The following CWC22 variants were observed in gnomAD, a reference collection of about 807,000 sequenced individuals.
The protein encoded by CWC22 is pre-mRNA-splicing factor CWC22 homolog.
CWC22 carries 53 observed loss-of-function variants against 117.2 expected under a neutral mutation model. The ratio of observed to expected loss-of-function variants is 0.45; its 90% CI spans 0.36 to 0.57. CWC22 has a LOEUF of 0.57. Ranked by LOEUF, CWC22 falls within the 20% of genes least tolerant of loss-of-function variation. The probability of loss-of-function intolerance (pLI) is 0.00; values close to 1 mark genes in which losing one functional copy is unlikely to be tolerated. For missense variants in CWC22, 980 were observed against 1,068.8 expected, an observed-to-expected ratio of 0.92 and a Z score of 1.16; for synonymous variants, 360 against 355.6, an observed-to-expected ratio of 1.01 and a Z score of -0.14.
At position 179,966,084 on chromosome 2, in the gene CWC22, G is replaced by GT. The variant is rs969106292; in HGVS notation, c.1211-103dup. 7.2e-6 allele frequency: 6 copies of GT among 835,926 alleles called. No individual in the cohort carries two copies. In the African/African-American group the frequency reaches 8.6e-5, roughly 12 times the overall value. 51.8% of individuals were successfully genotyped at this position (835,926 alleles called of 1,614,324 possible). A position where few individuals can be genotyped will look rare whatever the true frequency, so the allele number is the denominator to read the frequency against. ...TCAGTTCGTTGAAATCCACTGTGGT[G>GT]TAACAGTTTGCTAGCCAACAAAGAT... On this transcript the variant is annotated intron_variant, in intron 11 of 19. Transcript: ENST00000410053.
At chr2:179,960,881 A>T (rs1244635096) in intron 13 of CWC22, among the ~76,000 whole-genome samples, 3 of 152,024 alleles carry the variant, frequency 2.0e-5, no homozygotes, top group African/African-American at 4.8e-5. Context: ...TTCTCTGCTT[A>T]CATTAAAATC....
In CWC22 at chr2:179,973,859, A is replaced by C. The variant is rs1575648743; in HGVS notation, c.582-57T>G. ...CAATAATCACCAAATTAATTAAACG[A>C]AACAAAAACTATTAAAATTCAGTAA... On this transcript the variant is annotated intron_variant, in intron 6 of 19. Transcript: ENST00000410053. 4 of 963,304 alleles carry C rather than the reference A, an allele frequency of 4.2e-6. No homozygotes were observed. In the East Asian group the frequency reaches 8.2e-5, roughly 20 times the overall value. 59.7% of individuals were successfully genotyped at this position (963,304 alleles called of 1,614,324 possible). A position where few individuals can be genotyped will look rare whatever the true frequency, so the allele number is the denominator to read the frequency against.
At chr2:179,991,867 C>T (rs1687576043) in intron 2 of CWC22, among the ~76,000 whole-genome samples, 1 of 152,178 alleles carries the variant, frequency 6.6e-6, no homozygotes. Flanking sequence ...ACAGATGGAA[C>T]TACCTTAGGA....
rs1425776719 is a variant in CWC22, at chr2:179,965,871, T to C, written c.1315+7A>G. The C allele has an allele frequency of 8.3e-6, 12 of 1,438,980 alleles. No individual in the cohort carries two copies. The highest frequency in any genetic ancestry group is 1.2e-5 in the Non-Finnish European group (12 of 1,022,462). 89.1% of individuals were successfully genotyped at this position (1,438,980 alleles called of 1,614,324 possible). On this transcript the variant is annotated splice_region_variant and intron_variant, in intron 12 of 19. Coordinates refer to ENST00000410053, the MANE Select transcript of CWC22 (RefSeq NM_020943.3). ...TATAATATTATTTGAATATGCTACA[T>C]GTTTACCTTCTTCATCTTCTTCTCC...
chr2:179,971,274 G>A (rs924030195), intron 8 of CWC22, among the ~76,000 whole-genome samples, 198 bp from the exon 9 acceptor site: 1 of 151,976 alleles, frequency 6.6e-6, no homozygotes, highest in African/African-American at 2.4e-5. Context: ...TGTCTACTAA[G>A]AATTTTCAGA....
intron 1 of CWC22, among the ~76,000 whole-genome samples, chr2:180,005,665 T>C (rs1687952765): frequency 6.6e-6 from 1 of 152,102 alleles, no homozygotes; most frequent in African/African-American, 2.4e-5. Flanking sequence ...GAACAAGAAT[T>C]GAGGAACAGA....
chr2:179,965,924 T>G lies in CWC22; in HGVS notation c.1269A>C (p.Glu423Asp). ...CTTCCTCTTCTTCTTCCTCGTCCTC[T>G]TCACTACTCCCAGCATCCTGGTCTG... ...SNTDQDAGSS[E>D]EDEEEEEEEG... The change falls in exon 12 of 20, where the codon GAA (glutamate) becomes GAC (aspartate). Residue 423 changes from glutamate to aspartate, a missense_variant. Physicochemically the swap from Glu to Asp is conservative, Grantham distance 45 (BLOSUM62 2). Transcript: ENST00000410053. 1 of 1,607,858 alleles carries G rather than the reference T, an allele frequency of 6.2e-7. No individual in the cohort carries two copies. The highest frequency in any genetic ancestry group is 8.5e-7 in the Non-Finnish European group (1 of 1,174,442).
intron 11 of CWC22, 105 bp downstream of exon 11, chr2:179,970,396 C>T (rs372257044): frequency 1.6e-5 from 18 of 1,129,832 alleles, no homozygotes; most frequent in African/African-American, 1.6e-4. Context: ...ATAAGAGCAG[C>T]GATTCATTAG....
chr2:179,963,674 A>G (rs904724703), intron 13 of CWC22, among the ~76,000 whole-genome samples: 1 of 152,162 alleles, frequency 6.6e-6, no homozygotes, highest in Non-Finnish European at 1.5e-5. Flanking sequence ...AGAGAAAATA[A>G]GTAAGGATAA....
intron 1 of CWC22, among the ~76,000 whole-genome samples, chr2:180,001,310 G>A (rs1344264506): frequency 6.6e-6 from 1 of 151,394 alleles, no homozygotes; most frequent in Non-Finnish European, 1.5e-5. Flanking sequence ...GTTCACACTT[G>A]ATGCCTCTAA....
intron 13 of CWC22, among the ~76,000 whole-genome samples, chr2:179,960,213 C>G (rs968508709): frequency 1.3e-5 from 2 of 151,996 alleles, no homozygotes; most frequent in African/African-American, 4.8e-5. Flanking sequence ...ATTAAATGTT[C>G]TGACTTGATA....
At chr2:179,974,189 A>G (rs1443481601) in intron 6 of CWC22, among the ~76,000 whole-genome samples, 1 of 152,236 alleles carries the variant, frequency 6.6e-6, no homozygotes, top group Non-Finnish European at 1.5e-5. Context: ...GGTAGATAAC[A>G]TAAAGTTTCT....
chr2:179,965,889 T>G lies in CWC22; in HGVS notation c.1304A>C (p.Glu435Ala). The change falls in exon 12 of 20, where the codon GAA becomes GCA. Residue 435 changes from glutamate (E) to alanine (A), a missense_variant. Glu to Ala is a moderately radical substitution (Grantham distance 107). Transcript: ENST00000410053. The stretch of plus-strand genomic sequence containing the variant: ...TGCTACATGTTTACCTTCTTCATCT[T>G]CTTCTCCCTCTTCCTCTTCTTCTTC... ...DEEEEEEEGE[E>A]DEEGQKVTIH... The G allele has an allele frequency of 6.5e-7, 1 of 1,530,742 alleles. No individual in the cohort carries two copies. The highest frequency in any genetic ancestry group is 9.1e-7 in the Non-Finnish European group (1 of 1,104,548). The allele number at this position is 1,530,742 out of a possible 1,614,324, so 94.8% of individuals were successfully genotyped here. A position where few individuals can be genotyped will look rare whatever the true frequency, so the allele number is the denominator to read the frequency against.
In CWC22 at chr2:179,949,360, T is replaced by C. The variant is rs188525662; in HGVS notation, c.2140+1152A>G. On this transcript the variant is annotated intron_variant, in intron 19 of 19. Coordinates refer to ENST00000410053, the MANE Select transcript of CWC22 (RefSeq NM_020943.3). The stretch of plus-strand genomic sequence containing the variant: ...GAGAAAACAACTTAACTAAAAAAAA[T>C]TGGTAAAATACTTGAACAGCCACTT... Among the ~76,000 whole-genome samples, 8 of 152,210 alleles carry C rather than the reference T, an allele frequency of 5.3e-5. No homozygotes were observed. In the East Asian group the frequency reaches 1.5e-3, roughly 29 times the overall value.
At position 179,950,521 on chromosome 2, in the gene CWC22, A is replaced by G. The variant is rs1686417403; in HGVS notation, c.2131T>C (p.Ser711Pro). The G allele has an allele frequency of 6.2e-7, 1 of 1,605,056 alleles. No homozygotes were observed. Among genetic ancestry groups the G allele is most frequent in the Non-Finnish European group, 8.5e-7 (1 of 1,173,192 alleles). Residue 711 changes from serine (S) to proline (P), a missense_variant, in exon 19 of 20, where the codon TCT (serine) becomes CCT (proline). By Grantham distance (74) the Ser-to-Pro change is moderately conservative. Transcript: ENST00000410053. The part of the protein sequence containing the change: ...SDSSSISSHS[S>P]ASANDVRKKG... ...ACATAAGCTTCAATACCTGAGGCAGAGCTATGACTACTGATGGATGAAGAG... is the reference window on the plus strand; with the variant it reads ...ACATAAGCTTCAATACCTGAGGCAGGGCTATGACTACTGATGGATGAAGAG...
intron 15 of CWC22, 109 bp downstream of exon 15, chr2:179,954,848 T>C: frequency 1.5e-6 from 1 of 687,206 alleles, no homozygotes; most frequent in Non-Finnish European, 2.5e-6. Context: ...AATAATTTGC[T>C]TTTAGCAAAA....
At chr2:179,948,507 A>AGGG (rs1686365907) in intron 19 of CWC22, among the ~76,000 whole-genome samples, 1 of 152,190 alleles carries the variant, frequency 6.6e-6, no homozygotes, top group African/African-American at 2.4e-5. Context: ...CACAGAGAAA[A>AGGG]ATAGTTTCCC....
At position 179,954,946 on chromosome 2, in the gene CWC22, C is replaced by T; in HGVS notation, c.1536+11G>A. The T allele has an allele frequency of 6.7e-7, 1 of 1,494,458 alleles. No homozygotes were observed. The highest frequency in any genetic ancestry group is 9.2e-7 in the Non-Finnish European group (1 of 1,082,128). The allele number at this position is 1,494,458 out of a possible 1,614,324, so 92.6% of individuals were successfully genotyped here. ...GTTTTAAGAATTCCCTCAGTAGAGGCTGGAACTCACCCCAGCTAATAAGCC... is the reference window on the plus strand; with the variant it reads ...GTTTTAAGAATTCCCTCAGTAGAGGTTGGAACTCACCCCAGCTAATAAGCC... On this transcript the variant is annotated intron_variant, in intron 15 of 19. Transcript: ENST00000410053.
rs190476525 is a variant in CWC22 at position 179,945,259 on chromosome 2, C to T, written c.2597G>A (p.Ser866Asn). The T allele has an allele frequency of 5.8e-5, 94 of 1,613,724 alleles. No individual in the cohort carries two copies. In the African/African-American group the frequency reaches 1.0e-3, roughly 17 times the overall value. ...EMNRKHSGSR[S>N]DEDRYQNGAE... ...ACCATTTTGATATCTATCTTCATCA[C>T]TTCTTGAGCCTGAGTGCTTTCTATT... The change falls in exon 20 of 20, where the codon AGT becomes AAT. Residue 866 changes from serine to asparagine, a missense_variant. Ser to Asn is a conservative substitution (Grantham distance 46). Around this residue, in one of 3 missense-constraint regions of CWC22, gnomAD observed 306 missense variants for 296.8 expected, o/e 1.03. Coordinates refer to ENST00000410053, the MANE Select transcript of CWC22 (RefSeq NM_020943.3).
Sources: allele counts gnomAD v4.1 joint callset (sites outside exome capture counted in the v4.1 genomes callset), GRCh38; gene constraint gnomAD v4.1.1; regional missense constraint gnomAD v4.1.1; transcripts MANE v1.5; gene names NCBI Gene and HGNC (gene_info 2026-07-23, HGNC 2026-07-21).